The following SDK2 variants were observed in gnomAD, a reference collection of about 807,000 sequenced individuals.
The protein encoded by SDK2 is sidekick cell adhesion molecule 2.
A neutral mutation model predicts 253.9 loss-of-function variants in SDK2; 105 were observed. The observed-to-expected ratio is 0.41, with a 90% confidence interval of 0.35 to 0.49. The LOEUF is 0.49. Among genes scored for constraint, SDK2 ranks in the 20% least tolerant of loss-of-function variants. SDK2 has a pLI of 0.06. For missense variants in SDK2, 2,608 were observed against 3,003.0 expected (o/e 0.87, Z 3.07); for synonymous variants, 1,249 against 1,234.9 (o/e 1.01, Z -0.24).
intron 1 of SDK2, among the ~76,000 whole-genome samples, chr17:73,596,541 A>G (rs1271990613): frequency 6.6e-6 from 1 of 152,160 alleles, no homozygotes; most frequent in African/African-American, 2.4e-5. Context: ...TCCCTGTCCC[A>G]GCGTCCCAGC....
chr17:73,342,499 G>A (rs1005607488), intron 44 of SDK2, among the ~76,000 whole-genome samples: 3 of 152,170 alleles, frequency 2.0e-5, no homozygotes, highest in South Asian at 4.1e-4. Flanking sequence ...GGTCCATCCC[G>A]CCCAGGAACA....
chr17:73,500,295 T>TCTCCTCCATCCTTGTCCATC (rs2063878413), intron 2 of SDK2, among the ~76,000 whole-genome samples: 2 of 124,648 alleles, frequency 1.6e-5, no homozygotes, highest in Non-Finnish European at 3.3e-5. Flanking sequence ...CCTCCTTCCA[T>TCTCCTCCATCCTTGTCCATC]CTCCTCCATC....
At position 73,398,301 on chromosome 17, in the gene SDK2, C is replaced by T. The variant is rs749469513; in HGVS notation, c.3203+19G>A. 1.2e-6 allele frequency: 2 copies of T among 1,612,452 alleles called. No individual in the cohort carries two copies. The highest frequency in any genetic ancestry group is 1.7e-6 in the Non-Finnish European group (2 of 1,178,728). ...CCAGCCCTGAGGCTGCTGCCTTCTC[C>T]CCGGGCCAGTCTCATTACCTGTAGC... On this transcript the variant is annotated intron_variant, in intron 23 of 44. Transcript: ENST00000392650.
chr17:73,445,474 A>G (rs543405236), intron 5 of SDK2, among the ~76,000 whole-genome samples: 29 of 152,292 alleles, frequency 1.9e-4, no homozygotes, highest in Admixed American at 1.6e-3. Flanking sequence ...TATCCTGAGC[A>G]GGGGGCAACT....
At chr17:73,532,715 G>A (rs1377858740) in intron 1 of SDK2, among the ~76,000 whole-genome samples, 4 of 152,034 alleles carry the variant, frequency 2.6e-5, no homozygotes, top group African/African-American at 9.7e-5. Flanking sequence ...CCAAGGAAAC[G>A]GGGGGGCTGG....
intron 3 of SDK2, among the ~76,000 whole-genome samples, chr17:73,457,282 CCTTCCCCCCT>C (rs2063534537): frequency 7.0e-5 from 3 of 43,122 alleles, no homozygotes; most frequent in African/African-American, 3.0e-4. Flanking sequence ...TTCCTTCCTT[CCTTCCCCCCT>C]CCCTCCCTCC....
intron 1 of SDK2, among the ~76,000 whole-genome samples, chr17:73,626,324 C>T (rs778184472): frequency 6.6e-6 from 1 of 152,186 alleles, no homozygotes; most frequent in Non-Finnish European, 1.5e-5. Context: ...CAGTTGTCTT[C>T]AGGGCCCTGG....
chr17:73,634,013 G>A (rs367773298), intron 1 of SDK2, among the ~76,000 whole-genome samples: 5 of 152,162 alleles, frequency 3.3e-5, no homozygotes, highest in African/African-American at 7.2e-5. Context: ...AGAGTTTGCC[G>A]TTGAGGCCAC....
intron 1 of SDK2, among the ~76,000 whole-genome samples, chr17:73,566,553 G>A (rs976345343): frequency 2.0e-5 from 3 of 152,112 alleles, no homozygotes; most frequent in Admixed American, 6.5e-5. Context: ...ACTTCTTAGC[G>A]ACTAGTTAAA....
In SDK2 at chr17:73,395,755, C is replaced by T. The variant is rs2062966473; in HGVS notation, c.3355-363G>A. Among the ~76,000 whole-genome samples the T allele has an allele frequency of 6.6e-6, 1 of 152,226 alleles. No individual in the cohort carries two copies. Among genetic ancestry groups the T allele is most frequent in the Admixed American group, 6.5e-5 (1 of 15,282 alleles). ...CTGCTGCTTACCTCTGTCACTCAGG[C>T]TGCCAGCACACACTTAATTGCCTAC... On this transcript the variant is annotated intron_variant, in intron 24 of 44. Coordinates refer to ENST00000392650, the MANE Select transcript of SDK2 (RefSeq NM_001144952.2). The surrounding 1 kb of genome is among the most constrained non-coding windows in gnomAD (Gnocchi z 4.3).
In SDK2 at chr17:73,438,015, G is replaced by T; in HGVS notation, c.865C>A (p.Arg289Ser). 1 of 1,551,474 alleles carries T rather than the reference G, an allele frequency of 6.4e-7. No individual in the cohort carries two copies. The highest frequency in any genetic ancestry group is 8.7e-7 in the Non-Finnish European group (1 of 1,147,006). ...AGYYECEAVL[R>S]SSSVPSVVRG... ...ACAACAGAGGGGACGCTGCTGCTGC[G>T]CAGGACAGCCTCACACTCGTAGTAG... The change falls in exon 7 of 45, where the codon CGC becomes AGC. Residue 289 changes from arginine to serine, a missense_variant. Physicochemically the swap from Arg to Ser is moderately radical, Grantham distance 110. Coordinates refer to ENST00000392650, the MANE Select transcript of SDK2 (RefSeq NM_001144952.2).
chr17:73,587,328 G>A (rs984628522), intron 1 of SDK2, among the ~76,000 whole-genome samples: 1 of 152,186 alleles, frequency 6.6e-6, no homozygotes, highest in African/African-American at 2.4e-5. Context: ...AGCCTGGACG[G>A]GCCAGGGCAG....
intron 1 of SDK2, among the ~76,000 whole-genome samples, chr17:73,545,211 C>A (rs991317035): frequency 5.9e-5 from 9 of 151,892 alleles, no homozygotes; most frequent in African/African-American, 1.9e-4. Flanking sequence ...GAAATCCCTT[C>A]CTTTAGGGAG....
rs1376305085 is a variant in SDK2, at chr17:73,467,527, C to T, written c.331+4585G>A. 6.6e-6 allele frequency among the ~76,000 whole-genome samples: 1 copy of T among 152,116 alleles called. No homozygotes were observed. Among genetic ancestry groups the T allele is most frequent in the Non-Finnish European group, 1.5e-5 (1 of 68,026 alleles). Reference sequence around the variant, plus strand: ...ATGGTTTTGCCAAGTGCTGTGTTTCCCTAGGCCCAGAATCCCAGGGAAGTG... The same window carrying T: ...ATGGTTTTGCCAAGTGCTGTGTTTCTCTAGGCCCAGAATCCCAGGGAAGTG... On this transcript the variant is annotated intron_variant, in intron 3 of 44. Coordinates refer to ENST00000392650, the MANE Select transcript of SDK2 (RefSeq NM_001144952.2). This position sits in a 1 kb window ranked among gnomAD's most constrained non-coding sequence, Gnocchi z 4.1.
At chr17:73,464,805 C>T (rs1419072969) in intron 3 of SDK2, among the ~76,000 whole-genome samples, 1 of 152,238 alleles carries the variant, frequency 6.6e-6, no homozygotes, top group Non-Finnish European at 1.5e-5. Flanking sequence ...CCCCATCCTC[C>T]AAACCTCTCG....
At chr17:73,491,224 CAT>C (rs1567803503) in intron 2 of SDK2, among the ~76,000 whole-genome samples, 3 of 152,150 alleles carry the variant, frequency 2.0e-5, no homozygotes, top group Non-Finnish European at 2.9e-5. Flanking sequence ...AGCACCCTGA[CAT>C]GGCTCAACAT....
chr17:73,385,756 C>T, intron 32 of SDK2, 91 bp downstream of exon 32: 1 of 1,219,324 alleles, frequency 8.2e-7, no homozygotes, highest in South Asian at 1.3e-5. Context: ...TTGGGGGCTC[C>T]ACGCAGCCCT....
chr17:73,538,892 T>A (rs1282236375), intron 1 of SDK2, among the ~76,000 whole-genome samples: 1 of 152,284 alleles, frequency 6.6e-6, no homozygotes, highest in African/African-American at 2.4e-5. Context: ...GCCTCTGGAC[T>A]CCCTTGCCTT....
At chr17:73,366,571 G>A (rs935858385) in intron 37 of SDK2, among the ~76,000 whole-genome samples, 5 of 152,186 alleles carry the variant, frequency 3.3e-5, no homozygotes, top group African/African-American at 9.7e-5. Flanking sequence ...AAGGGAGGCC[G>A]GGGCAAAAGG....
Sources: gnomAD v4.1 joint callset for allele counts (sites outside exome capture counted in the v4.1 genomes callset) on GRCh38, gnomAD v4.1.1 for gene constraint, Gnocchi (gnomAD v3.1) non-coding constraint, MANE v1.5 for transcripts, NCBI Gene and HGNC (gene_info 2026-07-23, HGNC 2026-07-21) for gene names.